The following PRKCE variants were observed in gnomAD, a reference collection of about 807,000 sequenced individuals.
The protein encoded by PRKCE is protein kinase C epsilon.
A neutral mutation model predicts 85.4 loss-of-function variants in PRKCE; 16 were observed. The observed-to-expected ratio is 0.19, with a 90% CI of 0.13 to 0.28. The LOEUF is 0.28. Ranked by LOEUF, PRKCE falls within the 10% of genes least tolerant of loss-of-function variation. The pLI, the probability that PRKCE is intolerant of heterozygous loss-of-function variation, is 1.00. For synonymous variants in PRKCE, 388 were observed against 371.5 expected, an observed-to-expected ratio of 1.04 and a Z score of -0.51; for missense variants, 573 against 975.2, an observed-to-expected ratio of 0.59 and a Z score of 5.49.
At chr2:45,956,785 T>C (rs1701005722) in intron 2 of PRKCE, among the ~76,000 whole-genome samples, 1 of 152,246 alleles carries the variant, frequency 6.6e-6, no homozygotes, top group African/African-American at 2.4e-5. Flanking sequence ...TGAAATTGCA[T>C]GTTCACCAGC....
intron 13 of PRKCE, 25 bp downstream of exon 13, chr2:46,151,254 G>T (rs1676590583): frequency 6.4e-7 from 1 of 1,565,800 alleles, no homozygotes; most frequent in Non-Finnish European, 8.6e-7. Flanking sequence ...CTCACCCATG[G>T]CTGTGCTCTC....
chr2:46,136,156 T>C (rs1302255969), intron 11 of PRKCE, among the ~76,000 whole-genome samples: 1 of 152,146 alleles, frequency 6.6e-6, no homozygotes, highest in Non-Finnish European at 1.5e-5. Flanking sequence ...GAATTTGCTG[T>C]TATTTCTGCA....
chr2:45,922,581 T>G (rs1573891095), intron 2 of PRKCE, among the ~76,000 whole-genome samples: 2 of 152,308 alleles, frequency 1.3e-5, no homozygotes, highest in South Asian at 4.1e-4. Context: ...CATTAAACCC[T>G]TCCCCCCAGG....
At chr2:45,877,325 T>G (rs1030747720) in intron 2 of PRKCE, among the ~76,000 whole-genome samples, 25 of 152,170 alleles carry the variant, frequency 1.6e-4, no homozygotes, top group African/African-American at 6.0e-4. Flanking sequence ...TTCTTAGAGT[T>G]CAGTGGACTT....
chr2:46,005,993 G>A (rs1008053941), intron 8 of PRKCE, among the ~76,000 whole-genome samples: 2 of 152,122 alleles, frequency 1.3e-5, no homozygotes, highest in Admixed American at 6.5e-5. Context: ...CAGAGACCAG[G>A]GTTTGTAGGC....
At chr2:45,941,863 G>A (rs1207400790) in intron 2 of PRKCE, among the ~76,000 whole-genome samples, 1 of 152,144 alleles carries the variant, frequency 6.6e-6, no homozygotes, top group African/African-American at 2.4e-5. Context: ...TAATTATGGG[G>A]GAGGGGGAGG....
intron 1 of PRKCE, among the ~76,000 whole-genome samples, chr2:45,757,263 C>T (rs574755719): frequency 5.7e-4 from 72 of 125,910 alleles, no homozygotes; most frequent in African/African-American, 2.2e-3. Flanking sequence ...GTTGAGATTG[C>T]ACCACTGCAC....
At chr2:46,069,054 A>C (rs1667857520) in intron 10 of PRKCE, among the ~76,000 whole-genome samples, 1 of 152,252 alleles carries the variant, frequency 6.6e-6, no homozygotes, top group South Asian at 2.1e-4. Context: ...CTGCATGCTC[A>C]AGTGTGGAAA....
intron 10 of PRKCE, among the ~76,000 whole-genome samples, chr2:46,016,782 A>C (rs1706191533): frequency 6.6e-6 from 1 of 151,602 alleles, no homozygotes; most frequent in South Asian, 2.1e-4. Flanking sequence ...GGTGGCGGGC[A>C]CCTGTAATCC....
chr2:45,843,483 G>A (rs528498006), intron 2 of PRKCE, among the ~76,000 whole-genome samples: 3 of 152,356 alleles, frequency 2.0e-5, no homozygotes, highest in Non-Finnish European at 2.9e-5. Context: ...TTTGATAGAA[G>A]TGGGACTTCT....
chr2:46,028,841 T>C (rs183069741), intron 10 of PRKCE, among the ~76,000 whole-genome samples: 111 of 152,298 alleles, frequency 7.3e-4, no homozygotes, highest in African/African-American at 2.5e-3. Flanking sequence ...CCCCAGTGCA[T>C]GTTGTTCCCC....
intron 1 of PRKCE, among the ~76,000 whole-genome samples, chr2:45,772,385 T>A (rs1421796102): frequency 6.6e-6 from 1 of 151,252 alleles, no homozygotes; most frequent in Non-Finnish European, 1.5e-5. Flanking sequence ...GTGGTAGAAG[T>A]AAGGAGGGAT....
chr2:46,162,808 G>A (rs1677912289), intron 14 of PRKCE, among the ~76,000 whole-genome samples: 1 of 151,996 alleles, frequency 6.6e-6, no homozygotes, highest in Non-Finnish European at 1.5e-5. Flanking sequence ...TACCAAAATT[G>A]GGGAAAAAAA....
At chr2:46,074,429 C>CAAAAAAAAA (rs11287357) in intron 10 of PRKCE, among the ~76,000 whole-genome samples, 30 of 93,802 alleles carry the variant, frequency 3.2e-4, no homozygotes, top group Middle Eastern at 5.8e-3. Context: ...CAACAACAAC[C>CAAAAAAAAA]AAAAAAAAAA....
intron 1 of PRKCE, among the ~76,000 whole-genome samples, chr2:45,810,215 A>G (rs1263582591): frequency 4.0e-5 from 6 of 151,318 alleles, no homozygotes; most frequent in African/African-American, 1.2e-4. Context: ...TAATTTTTGT[A>G]TTTTTAGTAG....
chr2:45,957,774 T>C (rs1259537299), intron 2 of PRKCE, among the ~76,000 whole-genome samples: 1 of 152,102 alleles, frequency 6.6e-6, no homozygotes, highest in Non-Finnish European at 1.5e-5. Flanking sequence ...AGGCAGGGCA[T>C]GGTGGCACAC....
chr2:46,001,267 A>ATATT lies in PRKCE; in HGVS notation c.824-134_824-133insTTAT. ...TGATGGAAGACATATATATATATAT[A>ATATT]TATATTTCTGTATTTTCCAAATTAT... On this transcript the variant is annotated intron_variant, in intron 6 of 14. Coordinates refer to ENST00000306156, the MANE Select transcript of PRKCE (RefSeq NM_005400.3). The surrounding 1 kb of genome is among the most constrained non-coding windows in gnomAD (Gnocchi z 4.4). The ATATT allele has an allele frequency of 1.9e-6, 1 of 527,978 alleles. No homozygotes were observed. 32.7% of individuals were successfully genotyped at this position (527,978 alleles called of 1,614,324 possible).
chr2:46,090,143 GT>G (rs1670023195), intron 11 of PRKCE, among the ~76,000 whole-genome samples: 1 of 152,174 alleles, frequency 6.6e-6, no homozygotes, highest in African/African-American at 2.4e-5. Context: ...TTTTATGTAT[GT>G]TTTGCCATAA....
At chr2:45,813,041 G>T (rs1481421460) in intron 1 of PRKCE, among the ~76,000 whole-genome samples, 1 of 152,196 alleles carries the variant, frequency 6.6e-6, no homozygotes, top group Non-Finnish European at 1.5e-5. Flanking sequence ...TATCTCTGGG[G>T]TTTCCTGGCC....
Sources: allele counts gnomAD v4.1 joint callset (sites outside exome capture counted in the v4.1 genomes callset), GRCh38; gene constraint gnomAD v4.1.1; non-coding constraint Gnocchi (gnomAD v3.1); transcripts MANE v1.5; gene names NCBI Gene and HGNC (gene_info 2026-07-23, HGNC 2026-07-21).